Variants in FBXO36 observed in about 807,000 individuals in gnomAD.
FBXO36 encodes the protein F-box protein 36.
A neutral mutation model predicts 17.0 loss-of-function variants in FBXO36; 18 were observed. The observed-to-expected ratio is 1.06, with a 90% CI of 0.73 to 1.57. The LOEUF is 1.57. FBXO36 is among the 40% of genes most tolerant of loss of function. The pLI is 0.00. For synonymous variants in FBXO36, 83 were observed against 85.3 expected (o/e 0.97, Z 0.15); for missense variants, 229 against 221.9 (o/e 1.03, Z -0.20).
At chr2:229,960,183 T>C (rs1474602790) in intron 1 of FBXO36, among the ~76,000 whole-genome samples, 1 of 152,076 alleles carries the variant, frequency 6.6e-6, no homozygotes, top group East Asian at 1.9e-4. Context: ...TTTACTTTTA[T>C]TTATTTATTT....
At chr2:229,969,347 G>A (rs951249612) in intron 1 of FBXO36, among the ~76,000 whole-genome samples, 3 of 149,602 alleles carry the variant, frequency 2.0e-5, no homozygotes, top group Non-Finnish European at 1.5e-5. Context: ...CTCCCTAGTA[G>A]CTGGGACTAC....
At chr2:229,936,235 C>G (rs2106157622) in intron 1 of FBXO36, among the ~76,000 whole-genome samples, 1 of 152,190 alleles carries the variant, frequency 6.6e-6, no homozygotes, top group African/African-American at 2.4e-5. Flanking sequence ...CTCTTCCATT[C>G]TCACAGCACC....
In FBXO36 at chr2:230,010,731, C is replaced by A. The variant is rs763451101; in HGVS notation, c.414C>A (p.Val138=). Residue 138 remains valine (V), a synonymous_variant, in exon 4 of 4, where the codon GTC becomes GTA. Coordinates refer to ENST00000283946, the MANE Select transcript of FBXO36 (RefSeq NM_174899.5). The part of the protein sequence containing the change: ...CMSDKLWEQI[V]QSTCDTITPD... ...CTGATAAACTGTGGGAACAGATAGT[C>A]CAGTCGACCTGCGACACCATCACTC... 1.2e-6 allele frequency: 2 copies of A among 1,613,492 alleles called. No homozygotes were observed. Among genetic ancestry groups the A allele is most frequent in the African/African-American group, 2.7e-5 (2 of 74,916 alleles).
At chr2:230,006,563 G>A (rs1469999696) in intron 3 of FBXO36, among the ~76,000 whole-genome samples, 2 of 152,270 alleles carry the variant, frequency 1.3e-5, no homozygotes, top group South Asian at 2.1e-4. Context: ...GCTGTGGGCC[G>A]GACACAGTGG....
chr2:229,980,471 C>T lies in FBXO36; in HGVS notation c.205+4122C>T, dbSNP rs547370396. Among the ~76,000 whole-genome samples the T allele has an allele frequency of 1.8e-4, 28 of 152,178 alleles. No individual in the cohort carries two copies. The East Asian group carries it at 5.4e-3, about 29-fold the overall frequency. On this transcript the variant is annotated intron_variant, in intron 2 of 3. Coordinates refer to ENST00000283946, the MANE Select transcript of FBXO36 (RefSeq NM_174899.5). ...TTTTCTGATTGTCTTCCACAAAAAC[C>T]TGGAGATGGGGATTTGGGCCAGAGA...
chr2:229,923,831 CT>C (rs1159156685), intron 1 of FBXO36, among the ~76,000 whole-genome samples: 27 of 117,622 alleles, frequency 2.3e-4, no homozygotes, highest in African/African-American at 6.0e-4. Flanking sequence ...CTTTTCTGTA[CT>C]TTTTTTTTGG....
At chr2:229,931,754 G>T (rs768876518) in intron 1 of FBXO36, among the ~76,000 whole-genome samples, 2 of 152,048 alleles carry the variant, frequency 1.3e-5, no homozygotes, top group Non-Finnish European at 2.9e-5. Context: ...CAGCAGAATC[G>T]CTTGAACCTG....
intron 2 of FBXO36, among the ~76,000 whole-genome samples, chr2:229,986,047 G>A (rs2396702): frequency 0.73 from 110,481 of 151,998 alleles, 40,439 homozygotes; most frequent in East Asian, 0.8. Context: ...ACCCTGTCTC[G>A]AAACAAATAA....
intron 1 of FBXO36, 59 bp from the exon 2 acceptor site, chr2:229,976,182 A>C: frequency 7.5e-7 from 1 of 1,335,406 alleles, no homozygotes. Flanking sequence ...CCCCAAACTT[A>C]ATGTAACTGT....
At chr2:230,004,782 G>A (rs1327059827) in intron 3 of FBXO36, among the ~76,000 whole-genome samples, 3 of 152,122 alleles carry the variant, frequency 2.0e-5, no homozygotes, top group Non-Finnish European at 4.4e-5. Context: ...CGAGGCAGGT[G>A]GATCACTTGA....
chr2:229,960,372 G>A (rs541214489), intron 1 of FBXO36, among the ~76,000 whole-genome samples: 3 of 152,102 alleles, frequency 2.0e-5, no homozygotes, highest in African/African-American at 7.2e-5. Flanking sequence ...TAGAGGTGGG[G>A]TGAGCTGTGT....
chr2:229,999,517 G>A (rs1560455876), intron 3 of FBXO36, among the ~76,000 whole-genome samples: 1 of 146,412 alleles, frequency 6.8e-6, no homozygotes, highest in Non-Finnish European at 1.5e-5. Context: ...ATATATATAT[G>A]TATGTGTATA....
In FBXO36 at chr2:229,981,717, AG is replaced by A. The variant is rs1249947334; in HGVS notation, c.205+5369del. Among the ~76,000 whole-genome samples, 675 of 139,976 alleles carry A rather than the reference AG, an allele frequency of 4.8e-3. 14 individuals carry two copies. The highest frequency in any genetic ancestry group is 5.9e-3 in the South Asian group (26 of 4,420). 91.8% of individuals were successfully genotyped at this position (139,976 alleles called of 152,430 possible). The stretch of plus-strand genomic sequence containing the variant: ...ACCCTGTCTCAAAAAAAAAAAAAAA[AG>A]AAAGAAAGAAAAAGGAAAAGAAAAA... On this transcript the variant is annotated intron_variant, in intron 2 of 3. Coordinates refer to ENST00000283946, the MANE Select transcript of FBXO36 (RefSeq NM_174899.5).
intron 2 of FBXO36, among the ~76,000 whole-genome samples, chr2:229,986,311 G>C (rs1309248364): frequency 2.0e-5 from 3 of 152,042 alleles, no homozygotes; most frequent in African/African-American, 7.2e-5. Context: ...GACCAGTCTG[G>C]GCAATGTGAT....
At chr2:229,925,908 C>G (rs1345726676) in intron 1 of FBXO36, among the ~76,000 whole-genome samples, 1 of 151,952 alleles carries the variant, frequency 6.6e-6, no homozygotes, top group African/African-American at 2.4e-5. Flanking sequence ...TGGATTACAG[C>G]TTGGGGTCAG....
chr2:229,976,416 G>T (rs1560447326), intron 2 of FBXO36, 67 bp downstream of exon 2: 2 of 1,091,760 alleles, frequency 1.8e-6, no homozygotes, highest in Non-Finnish European at 2.8e-6. Flanking sequence ...TTTTGTTAAA[G>T]AAGTTTCAAA....
At chr2:229,987,635 TA>T (rs1287892355) in intron 2 of FBXO36, among the ~76,000 whole-genome samples, 1 of 152,156 alleles carries the variant, frequency 6.6e-6, no homozygotes, top group African/African-American at 2.4e-5. Context: ...CATTTTATTT[TA>T]TTTTTTATTT....
chr2:229,931,761 C>T (rs2076939381), intron 1 of FBXO36, among the ~76,000 whole-genome samples: 1 of 152,108 alleles, frequency 6.6e-6, no homozygotes, highest in Admixed American at 6.6e-5. Flanking sequence ...ATCGCTTGAA[C>T]CTGGGAGGTG....
At chr2:229,972,364 G>A (rs1180079560) in intron 1 of FBXO36, among the ~76,000 whole-genome samples, 1 of 152,152 alleles carries the variant, frequency 6.6e-6, no homozygotes, top group African/African-American at 2.4e-5. Context: ...CCGACTGAAA[G>A]CTGAAATAAT....
Sources: gnomAD v4.1 joint callset for allele counts (sites outside exome capture counted in the v4.1 genomes callset) on GRCh38, gnomAD v4.1.1 for gene constraint, MANE v1.5 for transcripts, NCBI Gene and HGNC (gene_info 2026-07-23, HGNC 2026-07-21) for gene names.